GRIA2: variants seen among roughly 807,000 people sequenced by gnomAD.
GRIA2 encodes glutamate ionotropic receptor AMPA type subunit 2.
Under a neutral mutation model 97.3 loss-of-function variants are expected in GRIA2, and 14 were observed. The ratio of observed to expected loss-of-function variants is 0.14; its 90% confidence interval spans 0.10 to 0.23. The LOEUF (loss-of-function observed/expected upper bound fraction) is 0.23. Ranked by LOEUF, GRIA2 falls within the 10% of genes least tolerant of loss-of-function variation. The probability of loss-of-function intolerance (pLI) is 1.00; values close to 1 mark genes in which losing one functional copy is unlikely to be tolerated. For synonymous variants in GRIA2, 412 were observed against 387.8 expected, an observed-to-expected ratio of 1.06 and a Z score of -0.73; for missense variants, 558 against 1,069.8, an observed-to-expected ratio of 0.52 and a Z score of 6.67.
intron 6 of GRIA2, among the ~76,000 whole-genome samples, chr4:157,327,866 TC>T (rs1224468199): frequency 3.9e-5 from 6 of 152,100 alleles, no homozygotes; most frequent in Non-Finnish European, 5.9e-5. Flanking sequence ...CTTTTTCAGT[TC>T]AGTAATTAGT....
intron 12 of GRIA2, among the ~76,000 whole-genome samples, chr4:157,347,353 A>G (rs548900888): frequency 2.0e-5 from 3 of 152,268 alleles, no homozygotes; most frequent in East Asian, 1.9e-4. Flanking sequence ...TCTTTTAAAG[A>G]CCACTCTTGC....
intron 2 of GRIA2, among the ~76,000 whole-genome samples, chr4:157,269,302 C>A (rs1307757499): frequency 6.6e-6 from 1 of 152,032 alleles, no homozygotes; most frequent in African/African-American, 2.4e-5. Flanking sequence ...CTGGAATGAC[C>A]TACCTATGGT....
At chr4:157,315,074 G>A (rs1056164956) in intron 4 of GRIA2, among the ~76,000 whole-genome samples, 2 of 152,178 alleles carry the variant, frequency 1.3e-5, no homozygotes, top group Non-Finnish European at 2.9e-5. Flanking sequence ...ATAAGACGTG[G>A]CATTTGGCTT....
rs566217610 is a variant in GRIA2, at chr4:157,245,027, T to C, written c.229+23220T>C. On this transcript the variant is annotated intron_variant, in intron 2 of 15. Transcript: ENST00000264426. ...AAAAAAATACTACATAAAAAAATAA[T>C]AGCAGATTGTCATTTCTAAAAATTT... 3.0e-3 allele frequency among the ~76,000 whole-genome samples: 462 copies of C among 152,142 alleles called. 1 individual carries two copies. The highest frequency in any genetic ancestry group is 3.9e-3 in the Non-Finnish European group (268 of 68,004).
At chr4:157,350,967 A>G (rs542263046) in intron 12 of GRIA2, among the ~76,000 whole-genome samples, 5 of 143,608 alleles carry the variant, frequency 3.5e-5, no homozygotes, top group East Asian at 2.0e-4. Flanking sequence ...TCCTAATCTC[A>G]TAACATTGAA....
intron 4 of GRIA2, among the ~76,000 whole-genome samples, chr4:157,316,371 G>T (rs1734320173): frequency 6.6e-6 from 1 of 152,100 alleles, no homozygotes; most frequent in African/African-American, 2.4e-5. Flanking sequence ...CTTTCAAACA[G>T]CTATGGCTTA....
intron 2 of GRIA2, among the ~76,000 whole-genome samples, chr4:157,264,352 G>A (rs1731675474): frequency 6.6e-6 from 1 of 152,020 alleles, no homozygotes; most frequent in South Asian, 2.1e-4. Context: ...CCAACTTCTA[G>A]GGGTCACTTG....
chr4:157,247,599 C>A (rs1001770802), intron 2 of GRIA2, among the ~76,000 whole-genome samples: 50 of 152,082 alleles, frequency 3.3e-4, no homozygotes, highest in African/African-American at 1.1e-3. Context: ...CGAAGGTGAG[C>A]AGGTCACCTG....
chr4:157,362,687 A>G (rs1736685990), intron 14 of GRIA2, 112 bp from the exon 15 acceptor site: 3 of 871,872 alleles, frequency 3.4e-6, no homozygotes, highest in African/African-American at 1.7e-5. Context: ...CTCAAATTCA[A>G]ATGCATTCTG....
At chr4:157,356,706 A>C (rs80224399) in intron 12 of GRIA2, among the ~76,000 whole-genome samples, 3,901 of 152,290 alleles carry the variant, frequency 0.026, 102 homozygotes, top group East Asian at 0.13. Flanking sequence ...AGGAAATGCT[A>C]TTAAGAACAG....
At chr4:157,360,265 G>A (rs1303654836) in intron 13 of GRIA2, 122 bp downstream of exon 13, 27 of 938,428 alleles carry the variant, frequency 2.9e-5, no homozygotes, top group Non-Finnish European at 7.9e-6. Flanking sequence ...TCACAAAAAT[G>A]ACCAAAAAAC....
At chr4:157,322,841 A>G (rs1419428588) in intron 6 of GRIA2, among the ~76,000 whole-genome samples, 1 of 152,180 alleles carries the variant, frequency 6.6e-6, no homozygotes, top group Non-Finnish European at 1.5e-5. Flanking sequence ...ATGTTGTTTG[A>G]TGCTAGGTGC....
intron 11 of GRIA2, 95 bp downstream of exon 11, chr4:157,336,842 C>A: frequency 8.7e-7 from 1 of 1,146,046 alleles, no homozygotes; most frequent in South Asian, 1.4e-5. Flanking sequence ...TACCAGCTGC[C>A]GACTTCCTGT....
Position 157,285,761 on chromosome 4 carries a change from G to A in GRIA2, c.230-17791G>A, listed in dbSNP as rs140504383. Among the ~76,000 whole-genome samples the A allele has an allele frequency of 3.1e-3, 473 of 151,366 alleles. 1 individual carries two copies. The highest frequency in any genetic ancestry group is 8.1e-3 in the African/African-American group (335 of 41,434). ...GTTGAAAGTGTCTCTGCTATTCTTG[G>A]TCTCTTGCTTTTTTATAAAAGTTCA... On this transcript the variant is annotated intron_variant, in intron 2 of 15. Transcript: ENST00000264426.
chr4:157,256,243 T>C lies in GRIA2; in HGVS notation c.229+34436T>C, dbSNP rs1325496471. On this transcript the variant is annotated intron_variant, in intron 2 of 15. Coordinates refer to ENST00000264426, the MANE Select transcript of GRIA2 (RefSeq NM_001083619.3). ...TAATATATAATATATAATATATATA[T>C]ATAATATATAAATTATATATTACAT... is the stretch of plus-strand genomic sequence containing the variant. Among the ~76,000 whole-genome samples the C allele has an allele frequency of 1.3e-4, 11 of 82,132 alleles. No individual in the cohort carries two copies. In the South Asian group the frequency reaches 3.1e-3, roughly 23 times the overall value. 53.9% of individuals were successfully genotyped at this position (82,132 alleles called of 152,430 possible). A position where few individuals can be genotyped will look rare whatever the true frequency, so the allele number is the denominator to read the frequency against.
intron 6 of GRIA2, among the ~76,000 whole-genome samples, chr4:157,329,363 G>T (rs1434360822): frequency 6.6e-6 from 1 of 151,814 alleles, no homozygotes; most frequent in Non-Finnish European, 1.5e-5. Flanking sequence ...AATAATTGAG[G>T]CTATTTTAGA....
chr4:157,289,125 A>G (rs540228251), intron 2 of GRIA2, among the ~76,000 whole-genome samples: 1 of 151,816 alleles, frequency 6.6e-6, no homozygotes, highest in Non-Finnish European at 1.5e-5. Flanking sequence ...TTGCAATCAA[A>G]CTGGTTTGGT....
intron 2 of GRIA2, among the ~76,000 whole-genome samples, chr4:157,253,487 G>A (rs1363600186): frequency 6.6e-6 from 1 of 151,996 alleles, no homozygotes; most frequent in Non-Finnish European, 1.5e-5. Context: ...GCTCTTTGGG[G>A]TCCTTAATAA....
intron 2 of GRIA2, among the ~76,000 whole-genome samples, chr4:157,262,869 C>T (rs948720405): frequency 6.6e-6 from 1 of 151,926 alleles, no homozygotes; most frequent in African/African-American, 2.4e-5. Flanking sequence ...TATATTAATA[C>T]CTCCAAAATG....
Sources: gnomAD v4.1 joint callset for allele counts (sites outside exome capture counted in the v4.1 genomes callset) on GRCh38, gnomAD v4.1.1 for gene constraint, MANE v1.5 for transcripts, NCBI Gene and HGNC (gene_info 2026-07-23, HGNC 2026-07-21) for gene names.